OSBPL3: variants seen among roughly 807,000 people sequenced by gnomAD.
OSBPL3 encodes oxysterol-binding protein-related protein 3.
A neutral mutation model predicts 120.1 loss-of-function variants in OSBPL3; 65 were observed. The ratio of observed to expected loss-of-function variants is 0.54; its 90% CI spans 0.44 to 0.67. OSBPL3 has a LOEUF of 0.67. Ranked by LOEUF, OSBPL3 falls within the 30% of genes least tolerant of loss-of-function variation. The pLI is 0.00. For synonymous variants in OSBPL3, 416 were observed against 402.6 expected (o/e 1.03, Z -0.40); for missense variants, 1,004 against 1,082.1 (o/e 0.93, Z 1.01).
Position 24,806,226 on chromosome 7 carries a change from T to G in OSBPL3, c.2444+550A>C. 6.6e-6 allele frequency among the ~76,000 whole-genome samples: 1 copy of G among 152,204 alleles called. No homozygotes were observed. Among genetic ancestry groups the G allele is most frequent in the East Asian group, 1.9e-4 (1 of 5,206 alleles). On this transcript the variant is annotated intron_variant, in intron 21 of 22. Transcript: ENST00000313367. This position sits in a 1 kb window ranked among gnomAD's most constrained non-coding sequence, Gnocchi z 5.2. ...CCCGCTTCGGCCTCCCAAAGTGTTGTTTGTTTTTAATAAAGCCAAATGTAA... is the reference window on the plus strand; with the variant it reads ...CCCGCTTCGGCCTCCCAAAGTGTTGGTTGTTTTTAATAAAGCCAAATGTAA...
At chr7:24,847,097 C>T (rs947008724) in intron 12 of OSBPL3, among the ~76,000 whole-genome samples, 39 of 149,628 alleles carry the variant, frequency 2.6e-4, no homozygotes, top group Non-Finnish European at 4.0e-4. Context: ...GAAAAGGAAA[C>T]GAAGTGAGCA....
At position 24,830,108 on chromosome 7, in the gene OSBPL3, T is replaced by C. The variant is rs1298462045; in HGVS notation, c.1884+660A>G. On this transcript the variant is annotated intron_variant, in intron 16 of 22. Coordinates refer to ENST00000313367, the MANE Select transcript of OSBPL3 (RefSeq NM_015550.4). The surrounding 1 kb of genome is among the most constrained non-coding windows in gnomAD (Gnocchi z 4.4). ...GGTAGAACTGAGGTAGGACGGATCCTGGGCTGTCTGAAGCCTGAGTATTAC... is the reference window on the plus strand; with the variant it reads ...GGTAGAACTGAGGTAGGACGGATCCCGGGCTGTCTGAAGCCTGAGTATTAC... Among the ~76,000 whole-genome samples, 2 of 152,178 alleles carry C rather than the reference T, an allele frequency of 1.3e-5. No homozygotes were observed. The highest frequency in any genetic ancestry group is 4.8e-5 in the African/African-American group (2 of 41,444).
Position 24,815,142 on chromosome 7 carries a change from G to T in OSBPL3, c.2089C>A (p.Gln697Lys). 12 of 1,612,452 alleles carry T rather than the reference G, an allele frequency of 7.4e-6. No homozygotes were observed. The highest frequency in any genetic ancestry group is 1.0e-5 in the Non-Finnish European group (12 of 1,178,520). Residue 697 changes from glutamine to lysine, a missense_variant, in exon 19 of 23, where the codon CAG becomes AAG. Around this residue, in one of 4 missense-constraint regions of OSBPL3, gnomAD observed 473 missense variants for 568.0 expected, o/e 0.83. Transcript: ENST00000313367. The surrounding 1 kb of genome is among the most constrained non-coding windows in gnomAD (Gnocchi z 5.1). ...TSCIHNILSG[Q>K]RWIEHYGEIV... is the part of the protein sequence containing the mutation. ...TCTCCATAGTGCTCAATCCACCTCT[G>T]CCCGCTTAAGATGTTATGGATGCAA...
At chr7:24,870,326 T>C (rs1168248623) in intron 5 of OSBPL3, among the ~76,000 whole-genome samples, 1 of 152,228 alleles carries the variant, frequency 6.6e-6, no homozygotes, top group African/African-American at 2.4e-5. Flanking sequence ...GTGGGATTCC[T>C]ATAAAATTAG....
chr7:24,903,807 A>T lies in OSBPL3; in HGVS notation c.-149-11186T>A, dbSNP rs114839332. ...TGACCCCTGACCACAGACATCACTC[A>T]GGACAGTGGGTTTTGCTGTAGGGTT... On this transcript the variant is annotated intron_variant, in intron 1 of 22. Coordinates refer to ENST00000313367, the MANE Select transcript of OSBPL3 (RefSeq NM_015550.4). Among the ~76,000 whole-genome samples the T allele has an allele frequency of 4.4e-3, 674 of 151,912 alleles. 6 individuals are homozygous for T. The highest frequency in any genetic ancestry group is 0.016 in the African/African-American group (644 of 41,418).
At chr7:24,814,305 T>C (rs1182808097) in intron 19 of OSBPL3, among the ~76,000 whole-genome samples, 1 of 152,024 alleles carries the variant, frequency 6.6e-6, no homozygotes. Flanking sequence ...TATGGGTGTA[T>C]CTGCAAGTGT....
In OSBPL3 at chr7:24,912,903, C is replaced by T. The variant is rs180751120; in HGVS notation, c.-149-20282G>A. Among the ~76,000 whole-genome samples, 6 of 152,298 alleles carry T rather than the reference C, an allele frequency of 3.9e-5. No individual in the cohort carries two copies. Among genetic ancestry groups the T allele is most frequent in the Admixed American group, 2.0e-4 (3 of 15,306 alleles). On this transcript the variant is annotated intron_variant, in intron 1 of 22. Coordinates refer to ENST00000313367, the MANE Select transcript of OSBPL3 (RefSeq NM_015550.4). The surrounding 1 kb of genome is among the most constrained non-coding windows in gnomAD (Gnocchi z 4.5). The stretch of plus-strand genomic sequence containing the variant: ...TGCATTAGAAATGGCAATGTAACTT[C>T]CACTTGTCCTGTTGTCTCAGGGTGC...
chr7:24,860,321 C>T (rs1461068432), intron 10 of OSBPL3, among the ~76,000 whole-genome samples: 1 of 152,178 alleles, frequency 6.6e-6, no homozygotes, highest in Admixed American at 6.5e-5. Context: ...TATGGTTTGG[C>T]TGTGTCCCCA....
chr7:24,869,139 A>G (rs889542990), intron 5 of OSBPL3, among the ~76,000 whole-genome samples: 1 of 152,256 alleles, frequency 6.6e-6, no homozygotes, highest in Non-Finnish European at 1.5e-5. Flanking sequence ...AGAATGAACA[A>G]GAAACCAAAC....
Position 24,966,423 on chromosome 7 carries a change from GC to G in OSBPL3, c.-150+13462del, listed in dbSNP as rs1816388380. ...TGCCACAAACAAGTGGGGCTTCCAG[GC>G]CCTTAATCAAGGAACAAATGATGCA... On this transcript the variant is annotated intron_variant, in intron 1 of 22. Transcript: ENST00000313367. This position sits in a 1 kb window ranked among gnomAD's most constrained non-coding sequence, Gnocchi z 4.8. 6.6e-6 allele frequency among the ~76,000 whole-genome samples: 1 copy of G among 152,136 alleles called. No homozygotes were observed. The highest frequency in any genetic ancestry group is 1.5e-5 in the Non-Finnish European group (1 of 68,030).
chr7:24,870,771 G>C lies in OSBPL3; in HGVS notation c.342C>G (p.Cys114Trp), dbSNP rs749493662. The C allele has an allele frequency of 6.8e-6, 11 of 1,612,944 alleles. No homozygotes were observed. The highest frequency in any genetic ancestry group is 8.5e-6 in the Non-Finnish European group (10 of 1,178,874). The part of the protein sequence containing the change: ...SVMSVKKSSK[C>W]IDLDTEEHIY... ...TGTGCTCCTCGGTGTCAAGGTCTAT[G>C]CATTTTGATGACTTCTTTACAGACA... Residue 114 changes from cysteine (C) to tryptophan (W), a missense_variant, in exon 5 of 23, where the codon TGC (cysteine) becomes TGG (tryptophan). Coordinates refer to ENST00000313367, the MANE Select transcript of OSBPL3 (RefSeq NM_015550.4).
Position 24,936,079 on chromosome 7 carries a change from G to C in OSBPL3, c.-149-43458C>G, listed in dbSNP as rs1748654662. ...TTATCACCATTTAATTCATTCTTAA[G>C]ATTTCTTCTGGTTGAAAACTACCAT... On this transcript the variant is annotated intron_variant, in intron 1 of 22. Transcript: ENST00000313367. This position sits in a 1 kb window ranked among gnomAD's most constrained non-coding sequence, Gnocchi z 4.2. 7.4e-6 allele frequency among the ~76,000 whole-genome samples: 1 copy of C among 134,720 alleles called. No homozygotes were observed. Among genetic ancestry groups the C allele is most frequent in the South Asian group, 2.2e-4 (1 of 4,468 alleles). 88.4% of individuals were successfully genotyped at this position (134,720 alleles called of 152,430 possible).
intron 19 of OSBPL3, among the ~76,000 whole-genome samples, chr7:24,810,757 T>C (rs1351176492): frequency 3.3e-5 from 5 of 152,250 alleles, no homozygotes. Flanking sequence ...TCAACTCTTT[T>C]AGATTCCAAA....
Position 24,863,311 on chromosome 7 carries a change from A to G in OSBPL3, c.778-19T>C, listed in dbSNP as rs770200883. The G allele has an allele frequency of 6.3e-7, 1 of 1,599,874 alleles. No individual in the cohort carries two copies. The highest frequency in any genetic ancestry group is 8.6e-7 in the Non-Finnish European group (1 of 1,167,034). ...ATCCACCCTTTGTTTCAAAACAGGA[A>G]AGAGAGCACAGACAGTAAAGTCCAC... On this transcript the variant is annotated intron_variant, in intron 8 of 22. Transcript: ENST00000313367. This position sits in a 1 kb window ranked among gnomAD's most constrained non-coding sequence, Gnocchi z 5.8.
rs564320838 is a variant in OSBPL3 at position 24,816,594 on chromosome 7, CAGA to C, written c.2027+13_2027+15del. Reference sequence around the variant, plus strand: ...TAAATTCCATAAAGCTCCTTAACCACAGAAGAAGAACTTACACTGGCAGAGTCA... The same window carrying C: ...TAAATTCCATAAAGCTCCTTAACCACAGAAGAACTTACACTGGCAGAGTCA... On this transcript the variant is annotated intron_variant, in intron 18 of 22. Transcript: ENST00000313367. 687 of 1,587,568 alleles carry C rather than the reference CAGA, an allele frequency of 4.3e-4. 8 individuals carry two copies. In the South Asian group the frequency reaches 7.1e-3, roughly 16 times the overall value.
rs901025256 is a variant in OSBPL3, at chr7:24,946,652, A to G, written c.-150+33234T>C. Among the ~76,000 whole-genome samples, 93 of 152,338 alleles carry G rather than the reference A, an allele frequency of 6.1e-4. No individual in the cohort carries two copies. The highest frequency in any genetic ancestry group is 2.2e-3 in the African/African-American group (90 of 41,588). On this transcript the variant is annotated intron_variant, in intron 1 of 22. Coordinates refer to ENST00000313367, the MANE Select transcript of OSBPL3 (RefSeq NM_015550.4). This position sits in a 1 kb window ranked among gnomAD's most constrained non-coding sequence, Gnocchi z 4.3. ...AGCTGCTTTTGGACTTTGGACTCCT[A>G]AGCAACAAAAGGCCACACCACCAGA...
chr7:24,815,069 T>G lies in OSBPL3; in HGVS notation c.2162A>C (p.Asn721Thr). 1 of 1,614,128 alleles carries G rather than the reference T, an allele frequency of 6.2e-7. No individual in the cohort carries two copies. Among genetic ancestry groups the G allele is most frequent in the South Asian group, 1.1e-5 (1 of 91,088 alleles). ...LHDDSCYCKV[N>T]FIKAKYWSTN... ...AGTCACTGGAGTTACCTTTATAAAA[T>G]TCACTTTGCAGTAGCAGGAATCATC... The change falls in exon 19 of 23, where the codon AAT becomes ACT. Residue 721 changes from asparagine (N) to threonine (T), a missense_variant. Around this residue, in one of 4 missense-constraint regions of OSBPL3, gnomAD observed 473 missense variants for 568.0 expected, o/e 0.83. Transcript: ENST00000313367. This position sits in a 1 kb window ranked among gnomAD's most constrained non-coding sequence, Gnocchi z 5.1.
intron 1 of OSBPL3, among the ~76,000 whole-genome samples, chr7:24,944,617 G>T (rs547847066): frequency 1.5e-5 from 2 of 136,730 alleles, no homozygotes; most frequent in East Asian, 4.1e-4. Flanking sequence ...GTGAAAGAGC[G>T]AGACTCCAAA....
At chr7:24,884,533 T>G (rs1457843782) in intron 2 of OSBPL3, among the ~76,000 whole-genome samples, 2 of 152,202 alleles carry the variant, frequency 1.3e-5, no homozygotes, top group Non-Finnish European at 2.9e-5. Context: ...CCAAGCTGCC[T>G]GCCCCTGCAC....
Sources: gnomAD v4.1 joint callset for allele counts (sites outside exome capture counted in the v4.1 genomes callset) on GRCh38, gnomAD v4.1.1 for gene constraint, gnomAD v4.1.1 regional missense constraint, Gnocchi (gnomAD v3.1) non-coding constraint, MANE v1.5 for transcripts, NCBI Gene and HGNC (gene_info 2026-07-23, HGNC 2026-07-21) for gene names.